PNMT: variants seen among roughly 807,000 people sequenced by gnomAD.
PNMT encodes phenylethanolamine N-methyltransferase.
PNMT carries 18 observed loss-of-function variants against 18.9 expected under a neutral mutation model. The ratio of observed to expected loss-of-function variants is 0.95; its 90% CI spans 0.66 to 1.41. The LOEUF (loss-of-function observed/expected upper bound fraction) is 1.41, where lower values mean the gene tolerates loss of function less well. Among genes scored for constraint, PNMT ranks in the 40% most tolerant of loss-of-function variants. The pLI is 0.00. For synonymous variants in PNMT, 167 were observed against 168.6 expected (o/e 0.99, Z 0.08); for missense variants, 378 against 387.0 (o/e 0.98, Z 0.20).
chr17:39,668,461 G>A lies in PNMT; in HGVS notation c.-15G>A, dbSNP rs1382504802. On this transcript the variant is annotated 5_prime_UTR_variant, in exon 1 of 3. Transcript: ENST00000269582. ...CGCGAGGCGAGCGGGGCACTGGGCG[G>A]ACCGCGGCGGCAGCATGAGCGGCGC... The A allele has an allele frequency of 1.4e-6, 2 of 1,394,942 alleles. No homozygotes were observed. The highest frequency in any genetic ancestry group is 6.0e-5 in the East Asian group (2 of 33,060). The allele number at this position is 1,394,942 out of a possible 1,614,324, so 86.4% of individuals were successfully genotyped here.
Position 39,668,515 on chromosome 17 carries a change from CCT to C in PNMT, c.41_42del (p.Pro14ArgfsTer55). 6.5e-7 allele frequency: 1 copy of C among 1,535,926 alleles called. No homozygotes were observed. The highest frequency in any genetic ancestry group is 8.7e-7 in the Non-Finnish European group (1 of 1,146,980). Reference protein sequence around the residue: ...ADRSPNAGAAPDSAPGQAAVA... With the variant: ...ADRSPNAGAAXDSAPGQAAVA... ...CCGTAGCCCCAATGCGGGCGCAGCCCCTGACTCGGCCCCGGGCCAGGCGGCGG... is the reference window on the plus strand; with the variant it reads ...CCGTAGCCCCAATGCGGGCGCAGCCCGACTCGGCCCCGGGCCAGGCGGCGG... On this transcript the variant is annotated frameshift_variant, in exon 1 of 3. Coordinates refer to ENST00000269582, the MANE Select transcript of PNMT (RefSeq NM_002686.4). LOFTEE classifies it high-confidence loss of function.
At position 39,669,642 on chromosome 17, in the gene PNMT, A is replaced by T. The variant is rs1009523269; in HGVS notation, c.216A>T (p.Gly72=). 5.6e-6 allele frequency: 9 copies of T among 1,613,878 alleles called. No homozygotes were observed. The African/African-American group carries it at 9.3e-5, about 17-fold the overall frequency. The change falls in exon 2 of 3, where the codon GGA becomes GGT. Residue 72 remains glycine (G), a synonymous_variant. Coordinates refer to ENST00000269582, the MANE Select transcript of PNMT (RefSeq NM_002686.4). The part of the protein sequence containing the change: ...AQTFATGEVS[G]RTLIDIGSGP... Reference sequence around the variant, plus strand: ...TGCCCTGCCCAGGTGAAGTGTCCGGACGCACCCTCATCGACATTGGTTCAG... The same window carrying T: ...TGCCCTGCCCAGGTGAAGTGTCCGGTCGCACCCTCATCGACATTGGTTCAG...
Position 39,670,199 on chromosome 17 carries a change from C to G in PNMT, c.659C>G (p.Ser220Trp). ...CTCCTCATCGGGGCCCTGGAGGAGT[C>G]GTGGTACCTGGCTGGGGAGGCCAGG... is the stretch of plus-strand genomic sequence containing the variant. ...HLLLIGALEE[S>W]WYLAGEARLT... The change falls in exon 3 of 3, where the codon TCG becomes TGG. Residue 220 changes from serine to tryptophan, a missense_variant. Transcript: ENST00000269582. 6.2e-7 allele frequency: 1 copy of G among 1,611,886 alleles called. No individual in the cohort carries two copies. The highest frequency in any genetic ancestry group is 8.5e-7 in the Non-Finnish European group (1 of 1,179,634).
At position 39,670,190 on chromosome 17, in the gene PNMT, T is replaced by C; in HGVS notation, c.650T>C (p.Leu217Pro). 1 of 1,612,074 alleles carries C rather than the reference T, an allele frequency of 6.2e-7. No individual in the cohort carries two copies. Among genetic ancestry groups the C allele is most frequent in the Non-Finnish European group, 8.5e-7 (1 of 1,179,734 alleles). ...GGGCACCTCCTCCTCATCGGGGCCC[T>C]GGAGGAGTCGTGGTACCTGGCTGGG... ...PGGHLLLIGA[L>P]EESWYLAGEA... The change falls in exon 3 of 3, where the codon CTG becomes CCG. Residue 217 changes from leucine to proline, a missense_variant. Physicochemically the swap from Leu to Pro is moderately conservative, Grantham distance 98. Coordinates refer to ENST00000269582, the MANE Select transcript of PNMT (RefSeq NM_002686.4).
chr17:39,668,781 C>A, intron 1 of PNMT, 104 bp downstream of exon 1: 3 of 867,052 alleles, frequency 3.5e-6, no homozygotes, highest in Non-Finnish European at 5.2e-6. Context: ...AGGCGCCTAA[C>A]AGATGGGGAC....
rs1476358223 is a variant in PNMT, at chr17:39,670,083, C to T, written c.543C>T (p.Ala181=). 1.9e-6 allele frequency: 3 copies of T among 1,609,014 alleles called. No homozygotes were observed. The South Asian group carries it at 3.3e-5, about 18-fold the overall frequency. ...APLPADALVS[A]FCLEAVSPDL... Reference sequence around the variant, plus strand: ...TGCCTGCTGACGCCCTGGTCTCTGCCTTCTGCTTGGAGGCTGTGAGCCCAG... The same window carrying T: ...TGCCTGCTGACGCCCTGGTCTCTGCTTTCTGCTTGGAGGCTGTGAGCCCAG... The change falls in exon 3 of 3, where the codon GCC becomes GCT. Residue 181 remains alanine (A), a synonymous_variant. Transcript: ENST00000269582.
intron 2 of PNMT, 27 bp downstream of exon 2, chr17:39,669,863 G>A: frequency 1.2e-6 from 2 of 1,603,456 alleles, no homozygotes. Context: ...GAGGGTTGGG[G>A]AGGAGGCTTC....
intron 1 of PNMT, 118 bp downstream of exon 1, chr17:39,668,795 G>C (rs968591605): frequency 3.2e-5 from 24 of 759,628 alleles, no homozygotes; most frequent in Non-Finnish European, 4.5e-5. Flanking sequence ...TGGGGACCAA[G>C]AAACAAGAGA....
At chr17:39,668,386 C>T, upstream of PNMT, 1 of 1,135,894 alleles carries the variant, frequency 8.8e-7, no homozygotes, top group Non-Finnish European at 1.1e-6. Context: ...TCAGCTGCCG[C>T]CCCCACAGCG....
At position 39,669,808 on chromosome 17, in the gene PNMT, C is replaced by T; in HGVS notation, c.382C>T (p.Gln128Ter). Residue 128 changes from glutamine (Q) to a stop codon, truncating the protein, a stop_gained, in exon 2 of 3, where the codon CAA becomes TAA. Transcript: ENST00000269582. LOFTEE classifies it high-confidence loss of function. ...PGAFNWSMYS[Q>*]HACLIEGKGE... ...GGCCTTCAACTGGAGCATGTACAGC[C>T]AACATGCCTGCCTCATTGAGGGCAA... 6.2e-7 allele frequency: 1 copy of T among 1,613,890 alleles called. No individual in the cohort carries two copies. Among genetic ancestry groups the T allele is most frequent in the Non-Finnish European group, 8.5e-7 (1 of 1,179,844 alleles).
chr17:39,669,372 C>T (rs1422197609), intron 1 of PNMT, among the ~76,000 whole-genome samples: 2 of 152,188 alleles, frequency 1.3e-5, no homozygotes, highest in African/African-American at 4.8e-5. Context: ...TGAGCCACTG[C>T]GCCCGGCCAG....
At chr17:39,669,451 A>G (rs1567866998) in intron 1 of PNMT, among the ~76,000 whole-genome samples, 178 bp from the exon 2 acceptor site, 3 of 152,196 alleles carry the variant, frequency 2.0e-5, no homozygotes, top group Admixed American at 6.5e-5. Context: ...AGGGCAGCCC[A>G]TGTTGGAGCT....
At chr17:39,668,951 A>G (rs1021665570) in intron 1 of PNMT, among the ~76,000 whole-genome samples, 4 of 152,180 alleles carry the variant, frequency 2.6e-5, no homozygotes, top group African/African-American at 9.7e-5. Flanking sequence ...GTGGAGATGC[A>G]TAGGAGGAAA....
rs1567867117 is a variant in PNMT, at chr17:39,669,678, G to A, written c.252G>A (p.Val84=). Residue 84 remains valine (V), a synonymous_variant, in exon 2 of 3, where the codon GTG becomes GTA. Transcript: ENST00000269582. ...TCGACATTGGTTCAGGCCCCACCGT[G>A]TACCAGCTGCTCAGTGCCTGCAGCC... is the stretch of plus-strand genomic sequence containing the variant. The part of the protein sequence containing the change: ...TLIDIGSGPT[V]YQLLSACSHF... 1.2e-6 allele frequency: 2 copies of A among 1,614,174 alleles called. No individual in the cohort carries two copies. The highest frequency in any genetic ancestry group is 8.5e-7 in the Non-Finnish European group (1 of 1,180,010).
At chr17:39,668,360 C>T, upstream of PNMT, 1 of 801,924 alleles carries the variant, frequency 1.2e-6, no homozygotes, top group South Asian at 2.7e-5. Context: ...GCACATGGCC[C>T]CGGGCGGCTC....
At position 39,668,639 on chromosome 17, in the gene PNMT, C is replaced by G. The variant is rs757533607; in HGVS notation, c.164C>G (p.Pro55Arg). 6 of 1,601,714 alleles carry G rather than the reference C, an allele frequency of 3.7e-6. No individual in the cohort carries two copies. The highest frequency in any genetic ancestry group is 1.1e-5 in the South Asian group (1 of 89,538). The stretch of plus-strand genomic sequence containing the variant: ...CTGTGCAACCCGAACGGCGTCGGGC[C>G]GTGGAAGCTGCGCTGCTTGGCGCAG... Reference protein sequence around the residue: ...GDLCNPNGVGPWKLRCLAQTF... With the variant: ...GDLCNPNGVGRWKLRCLAQTF... The change falls in exon 1 of 3, where the codon CCG becomes CGG. Residue 55 changes from proline to arginine, a missense_variant. Coordinates refer to ENST00000269582, the MANE Select transcript of PNMT (RefSeq NM_002686.4).
Position 39,670,381 on chromosome 17 carries a change from G to A in PNMT, c.841G>A (p.Gly281Arg), listed in dbSNP as rs753862728. The A allele has an allele frequency of 6.4e-7, 1 of 1,574,380 alleles. No individual in the cohort carries two copies. The highest frequency in any genetic ancestry group is 1.3e-5 in the African/African-American group (1 of 74,476). ...CTTCTTCGCCTGGGCTCAGAAGGTT[G>A]GGCTGTGAGGGCTGTACCTGGTGCC... is the stretch of plus-strand genomic sequence containing the variant. ...GVFFAWAQKV[G>R]L Residue 281 changes from glycine (G) to arginine (R), a missense_variant, in exon 3 of 3, where the codon GGG becomes AGG. Coordinates refer to ENST00000269582, the MANE Select transcript of PNMT (RefSeq NM_002686.4).
chr17:39,668,585 G>T lies in PNMT; in HGVS notation c.110G>T (p.Arg37Leu), dbSNP rs371590499. ...YQRFEPRAYLRNNYAPPRGDL... is the reference protein window; with the variant it reads ...YQRFEPRAYLLNNYAPPRGDL... Reference sequence around the variant, plus strand: ...CGCTTCGAGCCGCGCGCCTACCTCCGCAACAACTACGCGCCCCCTCGCGGG... The same window carrying T: ...CGCTTCGAGCCGCGCGCCTACCTCCTCAACAACTACGCGCCCCCTCGCGGG... The change falls in exon 1 of 3, where the codon CGC becomes CTC. Residue 37 changes from arginine (R) to leucine (L), a missense_variant. Transcript: ENST00000269582. The T allele has an allele frequency of 9.4e-5, 151 of 1,599,542 alleles. No individual in the cohort carries two copies. The highest frequency in any genetic ancestry group is 1.2e-4 in the Non-Finnish European group (138 of 1,177,744).
Position 39,669,780 on chromosome 17 carries a change from G to C in PNMT, c.354G>C (p.Pro118=), listed in dbSNP as rs372872618. ...TGGGGCGCTGGCTGCAGGAGGAGCC[G>C]GGGGCCTTCAACTGGAGCATGTACA... ...QELGRWLQEE[P]GAFNWSMYSQ... is the part of the protein sequence containing the mutation. Residue 118 remains proline (P), a synonymous_variant, in exon 2 of 3, where the codon CCG becomes CCC. Transcript: ENST00000269582. 1.2e-6 allele frequency: 2 copies of C among 1,613,938 alleles called. No individual in the cohort carries two copies. Among genetic ancestry groups the C allele is most frequent in the East Asian group, 2.2e-5 (1 of 44,878 alleles).
Sources: allele counts gnomAD v4.1 joint callset (sites outside exome capture counted in the v4.1 genomes callset), GRCh38; gene constraint gnomAD v4.1.1; transcripts MANE v1.5; gene names NCBI Gene and HGNC (gene_info 2026-07-23, HGNC 2026-07-21).